Variants in TEAD1 observed in about 807,000 individuals in gnomAD.
TEAD1 encodes the protein TEA domain transcription factor 1.
Under a neutral mutation model 54.9 loss-of-function variants are expected in TEAD1, and 9 were observed. The ratio of observed to expected loss-of-function variants is 0.16; its 90% CI spans 0.10 to 0.29. The LOEUF is 0.29. Among genes scored for constraint, TEAD1 ranks in the 10% least tolerant of loss-of-function variants. The pLI, the probability that TEAD1 is intolerant of heterozygous loss-of-function variation, is 1.00. For synonymous variants in TEAD1, 200 were observed against 187.8 expected (o/e 1.07, Z -0.53); for missense variants, 387 against 535.9 (o/e 0.72, Z 2.74).
At chr11:12,869,949 G>A (rs34627791) in intron 5 of TEAD1, among the ~76,000 whole-genome samples, 45,199 of 151,782 alleles carry the variant, frequency 0.3, 9,234 homozygotes, top group African/African-American at 0.59. Flanking sequence ...GCGCCATCTC[G>A]GCTCATTGCA....
intron 2 of TEAD1, among the ~76,000 whole-genome samples, chr11:12,742,813 C>A (rs1000900766): frequency 1.2e-4 from 19 of 152,244 alleles, no homozygotes; most frequent in Non-Finnish European, 2.6e-4. Context: ...TTTACTGATA[C>A]AAGGTGTATT....
intron 9 of TEAD1, among the ~76,000 whole-genome samples, chr11:12,895,516 G>T (rs376030975): frequency 5.7e-4 from 87 of 152,210 alleles, no homozygotes; most frequent in African/African-American, 1.9e-3. Flanking sequence ...TTTGCAGTCT[G>T]ACCCGAGCTC....
Position 12,938,380 on chromosome 11 carries a change from A to C in TEAD1, c.*1158A>C, listed in dbSNP as rs1949129378. ...ATACATTCTTTATTTCTAGTGACCC[A>C]ATATGCATATTAACCTGCTATAACT... On this transcript the variant is annotated 3_prime_UTR_variant, in exon 13 of 13. Coordinates refer to ENST00000527636, the MANE Select transcript of TEAD1 (RefSeq NM_021961.6). 1 of 152,654 alleles carries C rather than the reference A, an allele frequency of 6.6e-6. No individual in the cohort carries two copies. The highest frequency in any genetic ancestry group is 2.1e-4 in the South Asian group (1 of 4,824). 9.5% of individuals were successfully genotyped at this position (152,654 alleles called of 1,614,324 possible).
At chr11:12,882,059 C>T (rs1055776892) in intron 8 of TEAD1, 102 bp downstream of exon 8, 13 of 1,299,342 alleles carry the variant, frequency 1.0e-5, no homozygotes, top group South Asian at 3.6e-5. Flanking sequence ...AACTTTGCCA[C>T]AGCCGCACAT....
chr11:12,924,891 C>T, intron 10 of TEAD1, 21 bp from the exon 11 acceptor site: 1 of 1,614,092 alleles, frequency 6.2e-7, no homozygotes, highest in South Asian at 1.1e-5. Flanking sequence ...ATAACCCACA[C>T]CTCCATTTCC....
At chr11:12,876,834 G>A (rs989065839) in intron 5 of TEAD1, among the ~76,000 whole-genome samples, 2 of 152,182 alleles carry the variant, frequency 1.3e-5, no homozygotes, top group African/African-American at 2.4e-5. Context: ...ATGGGGAATG[G>A]AGTTGGTGTG....
At chr11:12,747,296 TAGC>T (rs1944764165) in intron 2 of TEAD1, among the ~76,000 whole-genome samples, 1 of 152,068 alleles carries the variant, frequency 6.6e-6, no homozygotes, top group Non-Finnish European at 1.5e-5. Flanking sequence ...GTGGATATAT[TAGC>T]AGTAATTATT....
At chr11:12,815,589 C>G (rs537878481) in intron 3 of TEAD1, among the ~76,000 whole-genome samples, 1 of 152,292 alleles carries the variant, frequency 6.6e-6, no homozygotes, top group Non-Finnish European at 1.5e-5. Context: ...CCCCTCTTAA[C>G]AGGTGTTTCA....
intron 3 of TEAD1, among the ~76,000 whole-genome samples, chr11:12,809,974 CTTTTT>C (rs55647097): frequency 3.5e-5 from 4 of 115,648 alleles, no homozygotes; most frequent in African/African-American, 1.1e-4. Flanking sequence ...TTTCCCCATT[CTTTTT>C]TTTTTTTTTT....
chr11:12,869,929 G>T (rs1404206803), intron 5 of TEAD1, among the ~76,000 whole-genome samples: 1 of 152,014 alleles, frequency 6.6e-6, no homozygotes, highest in Non-Finnish European at 1.5e-5. Flanking sequence ...GCCCGGGCGG[G>T]AGTGCAGTGG....
At chr11:12,857,476 G>A (rs548894245) in intron 3 of TEAD1, among the ~76,000 whole-genome samples, 8 of 152,230 alleles carry the variant, frequency 5.3e-5, no homozygotes, top group African/African-American at 1.9e-4. Context: ...GGTGACTGCA[G>A]GATTGTTTTA....
At chr11:12,884,090 C>T (rs139274810) in intron 9 of TEAD1, among the ~76,000 whole-genome samples, 1 of 152,194 alleles carries the variant, frequency 6.6e-6, no homozygotes, top group East Asian at 1.9e-4. Flanking sequence ...GTAACATTGG[C>T]ATCTGGACTC....
chr11:12,700,296 T>C (rs1265120113), intron 2 of TEAD1, among the ~76,000 whole-genome samples: 4 of 152,086 alleles, frequency 2.6e-5, no homozygotes, highest in Admixed American at 6.5e-5. Context: ...CTTTGGACTT[T>C]TTCTTCCATA....
At chr11:12,792,235 ACT>A (rs1175678343) in intron 3 of TEAD1, among the ~76,000 whole-genome samples, 4 of 151,680 alleles carry the variant, frequency 2.6e-5, no homozygotes, top group Non-Finnish European at 5.9e-5. Context: ...ATAACTAATA[ACT>A]CTCTGTTCTG....
At chr11:12,690,790 CTGTGTCACCCAA>C (rs1943442138) in intron 2 of TEAD1, among the ~76,000 whole-genome samples, 1 of 152,222 alleles carries the variant, frequency 6.6e-6, no homozygotes, top group Non-Finnish European at 1.5e-5. Context: ...GTCTCACTCA[CTGTGTCACCCAA>C]GCTAGAGTGC....
At chr11:12,835,412 G>A (rs539551892) in intron 3 of TEAD1, among the ~76,000 whole-genome samples, 69 of 152,092 alleles carry the variant, frequency 4.5e-4, no homozygotes, top group African/African-American at 1.5e-3. Context: ...GCGCAGTCTC[G>A]GTCACTGCAG....
At chr11:12,741,735 A>C (rs1944653773) in intron 2 of TEAD1, among the ~76,000 whole-genome samples, 4 of 152,110 alleles carry the variant, frequency 2.6e-5, no homozygotes, top group Admixed American at 2.6e-4. Context: ...GGAGGTCAAA[A>C]AGTCTTTTTT....
intron 3 of TEAD1, among the ~76,000 whole-genome samples, chr11:12,804,998 A>G (rs1946138790): frequency 6.6e-6 from 1 of 152,224 alleles, no homozygotes; most frequent in Admixed American, 6.5e-5. Flanking sequence ...GACTCTAGTT[A>G]TAATCTTAAA....
At chr11:12,893,134 C>T (rs549696993) in intron 9 of TEAD1, among the ~76,000 whole-genome samples, 36 of 152,308 alleles carry the variant, frequency 2.4e-4, no homozygotes, top group Non-Finnish European at 4.9e-4. Context: ...TCTCATGCTT[C>T]GGAATAAGTG....
Sources: gnomAD v4.1 joint callset for allele counts (sites outside exome capture counted in the v4.1 genomes callset) on GRCh38, gnomAD v4.1.1 for gene constraint, MANE v1.5 for transcripts, NCBI Gene and HGNC (gene_info 2026-07-23, HGNC 2026-07-21) for gene names.